Variants in CACNA2D3 observed in about 807,000 individuals in gnomAD.
CACNA2D3 encodes the protein calcium voltage-gated channel auxiliary subunit alpha2delta 3.
In CACNA2D3, 60 loss-of-function variants were observed where a neutral mutation model predicts 160.6. That is an observed-to-expected ratio of 0.37 (90% CI 0.30 to 0.46). The LOEUF (loss-of-function observed/expected upper bound fraction) is 0.46, where lower values mean the gene tolerates loss of function less well. Ranked by LOEUF, CACNA2D3 falls within the 20% of genes least tolerant of loss-of-function variation. The pLI is 1.00. For synonymous variants in CACNA2D3, 558 were observed against 492.9 expected, an observed-to-expected ratio of 1.13 and a Z score of -1.75; for missense variants, 1,205 against 1,365.0, an observed-to-expected ratio of 0.88 and a Z score of 1.85.
intron 11 of CACNA2D3, among the ~76,000 whole-genome samples, chr3:54,688,504 G>A (rs1218640087): frequency 6.6e-6 from 1 of 151,888 alleles, no homozygotes; most frequent in Non-Finnish European, 1.5e-5. Flanking sequence ...ATTATTGAGT[G>A]AGGTTTCTAT....
At chr3:54,485,474 A>T (rs1413250619) in intron 4 of CACNA2D3, among the ~76,000 whole-genome samples, 5 of 152,210 alleles carry the variant, frequency 3.3e-5, no homozygotes, top group African/African-American at 1.2e-4. Context: ...TGAGCCGTCT[A>T]GCAATCAGTG....
chr3:54,666,127 G>C (rs1405518345), intron 11 of CACNA2D3, among the ~76,000 whole-genome samples: 1 of 152,140 alleles, frequency 6.6e-6, no homozygotes, highest in Non-Finnish European at 1.5e-5. Context: ...TAGAGAACAT[G>C]ATGAGGAATA....
chr3:54,787,478 A>G (rs2106639356), intron 13 of CACNA2D3, among the ~76,000 whole-genome samples: 1 of 152,356 alleles, frequency 6.6e-6, no homozygotes, highest in East Asian at 1.9e-4. Flanking sequence ...CTACCCTCTT[A>G]GATTCAGTGA....
At chr3:54,275,376 T>G (rs1702712547) in intron 2 of CACNA2D3, among the ~76,000 whole-genome samples, 1 of 150,794 alleles carries the variant, frequency 6.6e-6, no homozygotes, top group Non-Finnish European at 1.5e-5. Context: ...CTTAGATTTT[T>G]TCTTAGAAAA....
intron 2 of CACNA2D3, among the ~76,000 whole-genome samples, chr3:54,145,116 A>G (rs1367590715): frequency 1.3e-5 from 2 of 152,244 alleles, no homozygotes; most frequent in African/African-American, 4.8e-5. Flanking sequence ...ACCAAGATCT[A>G]AGTGTTGGCT....
chr3:54,363,214 T>C (rs1698773856), intron 3 of CACNA2D3, among the ~76,000 whole-genome samples: 1 of 151,754 alleles, frequency 6.6e-6, no homozygotes, highest in African/African-American at 2.4e-5. Context: ...TATATGAGAA[T>C]GTGCAACATC....
chr3:54,367,254 C>G (rs944408438), intron 3 of CACNA2D3, among the ~76,000 whole-genome samples: 9 of 152,112 alleles, frequency 5.9e-5, no homozygotes, highest in Non-Finnish European at 4.4e-5. Flanking sequence ...TCACTAGACT[C>G]ACTTGATCCT....
chr3:54,273,912 G>C (rs572161760), intron 2 of CACNA2D3, among the ~76,000 whole-genome samples: 1 of 152,314 alleles, frequency 6.6e-6, no homozygotes, highest in East Asian at 1.9e-4. Context: ...AGTTGACATA[G>C]AGACCCAGTA....
chr3:54,469,642 G>T (rs544683577), intron 4 of CACNA2D3, among the ~76,000 whole-genome samples: 1 of 152,106 alleles, frequency 6.6e-6, no homozygotes, highest in Non-Finnish European at 1.5e-5. Flanking sequence ...TGAGCTAAAG[G>T]AGCATGTTCT....
At chr3:54,299,046 T>G (rs949866040) in intron 2 of CACNA2D3, among the ~76,000 whole-genome samples, 3 of 151,682 alleles carry the variant, frequency 2.0e-5, no homozygotes, top group African/African-American at 7.3e-5. Flanking sequence ...AGTCTGCCAT[T>G]TGCAAGAAGA....
At chr3:54,497,112 A>C (rs888942637) in intron 4 of CACNA2D3, among the ~76,000 whole-genome samples, 2 of 152,022 alleles carry the variant, frequency 1.3e-5, no homozygotes, top group East Asian at 3.8e-4. Context: ...CTTATATGTA[A>C]AATTTTAAAT....
intron 11 of CACNA2D3, among the ~76,000 whole-genome samples, chr3:54,699,557 A>T (rs1700728071): frequency 6.6e-6 from 1 of 151,952 alleles, no homozygotes; most frequent in Non-Finnish European, 1.5e-5. Context: ...CCTTGTGTTT[A>T]TGTCTTATCT....
chr3:54,816,113 T>C (rs1703444616), intron 13 of CACNA2D3, among the ~76,000 whole-genome samples: 1 of 152,146 alleles, frequency 6.6e-6, no homozygotes, highest in South Asian at 2.1e-4. Flanking sequence ...TGTTATGTCT[T>C]ATTTTATGGA....
At chr3:55,045,370 G>A (rs1394808354) in intron 35 of CACNA2D3, among the ~76,000 whole-genome samples, 2 of 152,116 alleles carry the variant, frequency 1.3e-5, no homozygotes, top group Non-Finnish European at 1.5e-5. Context: ...TTTTTATAAT[G>A]CTGTCATCTG....
intron 12 of CACNA2D3, among the ~76,000 whole-genome samples, chr3:54,755,555 G>T (rs1308815544): frequency 6.6e-6 from 1 of 152,036 alleles, no homozygotes; most frequent in Non-Finnish European, 1.5e-5. Context: ...TCATTGTCTG[G>T]CTTGCTTCAC....
At chr3:54,256,701 G>C (rs574788431) in intron 2 of CACNA2D3, among the ~76,000 whole-genome samples, 1 of 141,238 alleles carries the variant, frequency 7.1e-6, no homozygotes, top group East Asian at 2.4e-4. Context: ...CATCAACATC[G>C]AAATAAAGCA....
chr3:54,465,789 A>G (rs60912862), intron 4 of CACNA2D3, among the ~76,000 whole-genome samples: 9,721 of 152,228 alleles, frequency 0.064, 619 homozygotes, highest in African/African-American at 0.16. Context: ...CTGATTCATT[A>G]TTTCCCAATT....
intron 6 of CACNA2D3, among the ~76,000 whole-genome samples, chr3:54,563,502 G>A (rs1182314025): frequency 2.0e-5 from 3 of 152,200 alleles, no homozygotes; most frequent in African/African-American, 7.2e-5. Flanking sequence ...GCGTATCTCA[G>A]AGGCTGTCCA....
At chr3:54,493,922 G>T (rs1701156378) in intron 4 of CACNA2D3, among the ~76,000 whole-genome samples, 1 of 152,244 alleles carries the variant, frequency 6.6e-6, no homozygotes, top group African/African-American at 2.4e-5. Context: ...ACCCTTGACA[G>T]AAAAAGTTTG....
Sources: gnomAD v4.1 joint callset for allele counts (sites outside exome capture counted in the v4.1 genomes callset) on GRCh38, gnomAD v4.1.1 for gene constraint, MANE v1.5 for transcripts, NCBI Gene and HGNC (gene_info 2026-07-23, HGNC 2026-07-21) for gene names.